The following TRPC1 variants were observed in gnomAD, a reference collection of about 807,000 sequenced individuals.
The protein encoded by TRPC1 is short transient receptor potential channel 1.
TRPC1 carries 42 observed loss-of-function variants against 88.2 expected under a neutral mutation model. The observed-to-expected ratio is 0.48, with a 90% CI of 0.37 to 0.62. The LOEUF (loss-of-function observed/expected upper bound fraction) is 0.62, where lower values mean the gene tolerates loss of function less well. Among genes scored for constraint, TRPC1 ranks in the 20% least tolerant of loss-of-function variants. The pLI, the probability that TRPC1 is intolerant of heterozygous loss-of-function variation, is 0.00. For missense variants in TRPC1, 699 were observed against 957.3 expected, an observed-to-expected ratio of 0.73 and a Z score of 3.56; for synonymous variants, 288 against 331.8, an observed-to-expected ratio of 0.87 and a Z score of 1.43.
rs559141507 is a variant in TRPC1 at position 142,724,060 on chromosome 3, G to T, written c.-500G>T. On this transcript the variant is annotated 5_prime_UTR_variant, in exon 1 of 13. Transcript: ENST00000476941. This position sits in a 1 kb window ranked among gnomAD's most constrained non-coding sequence, Gnocchi z 5.6. ...TCGCTACAGAGGAGCAGAGGATGAC[G>T]TGAGGACAGAGTCGCGAACATCTCC... 1 of 151,184 alleles carries T rather than the reference G, an allele frequency of 6.6e-6. No homozygotes were observed. The highest frequency in any genetic ancestry group is 2.1e-4 in the South Asian group (1 of 4,766). The allele number at this position is 151,184 out of a possible 1,614,324, so 9.4% of individuals were successfully genotyped here. A position where few individuals can be genotyped will look rare whatever the true frequency, so the allele number is the denominator to read the frequency against.
intron 6 of TRPC1, among the ~76,000 whole-genome samples, chr3:142,784,428 G>A (rs544325024): frequency 2.1e-4 from 31 of 145,788 alleles, no homozygotes; most frequent in Non-Finnish European, 1.5e-5. Context: ...TTTTACAGAT[G>A]GGGAAGTTGA....
chr3:142,781,152 GTC>G, intron 6 of TRPC1, 123 bp downstream of exon 6: 1 of 696,620 alleles, frequency 1.4e-6, no homozygotes, highest in Non-Finnish European at 2.1e-6. Flanking sequence ...AAAATTGTGT[GTC>G]TTGGGATAGT....
chr3:142,790,988 T>C (rs200984746), intron 7 of TRPC1, 31 bp from the exon 8 acceptor site: 1 of 1,521,432 alleles, frequency 6.6e-7, no homozygotes, highest in East Asian at 2.4e-5. Context: ...ATTAAGAAAG[T>C]GTTATCTGAT....
At chr3:142,798,914 T>C (rs375823680) in intron 9 of TRPC1, among the ~76,000 whole-genome samples, 2 of 152,306 alleles carry the variant, frequency 1.3e-5, no homozygotes, top group East Asian at 3.9e-4. Context: ...AGATTTAGGT[T>C]GTTTTTGTTG....
rs1158296379 is a variant in TRPC1, at chr3:142,778,810, A to T, written c.764+1047A>T. Among the ~76,000 whole-genome samples the T allele has an allele frequency of 2.0e-3, 307 of 152,296 alleles. 1 individual carries two copies. Among genetic ancestry groups the T allele is most frequent in the African/African-American group, 7.2e-3 (299 of 41,570 alleles). On this transcript the variant is annotated intron_variant, in intron 5 of 12. Coordinates refer to ENST00000476941, the MANE Select transcript of TRPC1 (RefSeq NM_001251845.2). ...AACAGCAGTACTTAATGTGTTCTTC[A>T]TAGACCTGAGTTCCAGAAACTGAAA...
chr3:142,741,743 G>A (rs1230906328), intron 2 of TRPC1, among the ~76,000 whole-genome samples: 1 of 152,180 alleles, frequency 6.6e-6, no homozygotes, highest in Non-Finnish European at 1.5e-5. Flanking sequence ...TACCCATGGA[G>A]TTTCTTTGTG....
At chr3:142,730,496 GT>G (rs1486784375) in intron 1 of TRPC1, among the ~76,000 whole-genome samples, 1 of 151,618 alleles carries the variant, frequency 6.6e-6, no homozygotes, top group Admixed American at 6.6e-5. Context: ...AATTTTGAAG[GT>G]TTCATTTACA....
chr3:142,784,998 G>A lies in TRPC1; in HGVS notation c.1255G>A (p.Ala419Thr). ...GGATAAGAAAAACACAATGGGGCCA[G>A]CCCTTGAAAGAATAGACTATCTTCT... ...NEDKKNTMGP[A>T]LERIDYLLIL... Residue 419 changes from alanine to threonine, a missense_variant, in exon 7 of 13, where the codon GCC becomes ACC. Ala to Thr is a moderately conservative substitution (Grantham distance 58). Transcript: ENST00000476941. The A allele has an allele frequency of 3.7e-6, 6 of 1,612,782 alleles. No individual in the cohort carries two copies. Among genetic ancestry groups the A allele is most frequent in the Non-Finnish European group, 5.1e-6 (6 of 1,179,564 alleles).
At chr3:142,801,415 A>G (rs1376048774) in intron 9 of TRPC1, 1 of 152,140 alleles carries the variant, frequency 6.6e-6, no homozygotes. Context: ...ATTTCTAGGG[A>G]TAGAATTGCT....
At chr3:142,733,696 T>G (rs1238006108) in intron 1 of TRPC1, among the ~76,000 whole-genome samples, 1 of 152,242 alleles carries the variant, frequency 6.6e-6, no homozygotes, top group Non-Finnish European at 1.5e-5. Flanking sequence ...TCTCTAGCAA[T>G]ATGGTTGATT....
intron 4 of TRPC1, among the ~76,000 whole-genome samples, chr3:142,751,878 C>T (rs1015649021): frequency 6.6e-6 from 1 of 152,122 alleles, no homozygotes; most frequent in Non-Finnish European, 1.5e-5. Flanking sequence ...TTTCTATTTT[C>T]AAGTCTATTT....
At chr3:142,800,428 G>A (rs1936583705) in intron 9 of TRPC1, among the ~76,000 whole-genome samples, 5 of 152,068 alleles carry the variant, frequency 3.3e-5, no homozygotes, top group Admixed American at 3.3e-4. Context: ...TTAAGTAGCT[G>A]GTCCACTTTA....
At chr3:142,732,660 G>A (rs1173870855) in intron 1 of TRPC1, among the ~76,000 whole-genome samples, 1 of 152,112 alleles carries the variant, frequency 6.6e-6, no homozygotes, top group African/African-American at 2.4e-5. Context: ...TGTTGAATTG[G>A]TATACTCCCT....
At position 142,776,102 on chromosome 3, in the gene TRPC1, T is replaced by C. The variant is rs1264799975; in HGVS notation, c.633-1530T>C. Among the ~76,000 whole-genome samples, 1 of 152,216 alleles carries C rather than the reference T, an allele frequency of 6.6e-6. No individual in the cohort carries two copies. The highest frequency in any genetic ancestry group is 1.5e-5 in the Non-Finnish European group (1 of 68,028). On this transcript the variant is annotated intron_variant, in intron 4 of 12. Coordinates refer to ENST00000476941, the MANE Select transcript of TRPC1 (RefSeq NM_001251845.2). The surrounding 1 kb of genome is among the most constrained non-coding windows in gnomAD (Gnocchi z 4.1). Reference sequence around the variant, plus strand: ...TAGACCTCCGTCCAGTTGTATGAGATGAATCTGTATATGGTAACACAGAAA... The same window carrying C: ...TAGACCTCCGTCCAGTTGTATGAGACGAATCTGTATATGGTAACACAGAAA...
intron 9 of TRPC1, among the ~76,000 whole-genome samples, chr3:142,800,363 G>C (rs569264348): frequency 6.6e-6 from 1 of 152,240 alleles, no homozygotes; most frequent in South Asian, 2.1e-4. Context: ...CACTATGGCA[G>C]AGTCTGGGTT....
intron 4 of TRPC1, among the ~76,000 whole-genome samples, chr3:142,752,679 T>G (rs535431222): frequency 6.6e-5 from 10 of 152,308 alleles, no homozygotes; most frequent in African/African-American, 2.4e-4. Flanking sequence ...AGGCCATATT[T>G]CAGACTATCA....
At chr3:142,725,570 T>C (rs1560087818) in intron 1 of TRPC1, among the ~76,000 whole-genome samples, 1 of 152,228 alleles carries the variant, frequency 6.6e-6, no homozygotes. Context: ...TCATCCTTTG[T>C]AGTGATGTAT....
At chr3:142,793,730 C>A in intron 9 of TRPC1, 1 of 536,556 alleles carries the variant, frequency 1.9e-6, no homozygotes, top group Non-Finnish European at 2.4e-6. Context: ...TTCTGAAAAT[C>A]TGAACAATAT....
At chr3:142,736,190 A>T (rs1433378534) in intron 1 of TRPC1, among the ~76,000 whole-genome samples, 189 bp from the exon 2 acceptor site, 1 of 151,232 alleles carries the variant, frequency 6.6e-6, no homozygotes. Context: ...TCTGCTGCTG[A>T]TGTACGTATT....
Sources: allele counts gnomAD v4.1 joint callset (sites outside exome capture counted in the v4.1 genomes callset), GRCh38; gene constraint gnomAD v4.1.1; non-coding constraint Gnocchi (gnomAD v3.1); transcripts MANE v1.5; gene names NCBI Gene and HGNC (gene_info 2026-07-23, HGNC 2026-07-21).